MKLN1: variants seen among roughly 807,000 people sequenced by gnomAD.
MKLN1 encodes muskelin.
In MKLN1, 18 loss-of-function variants were observed where a neutral mutation model predicts 99.0. The observed-to-expected ratio is 0.18, with a 90% CI of 0.13 to 0.27. The LOEUF is 0.27. Ranked by LOEUF, MKLN1 falls within the 10% of genes least tolerant of loss-of-function variation. The probability of loss-of-function intolerance (pLI) is 1.00; values close to 1 mark genes in which losing one functional copy is unlikely to be tolerated. For missense variants in MKLN1, 621 were observed against 875.9 expected (o/e 0.71, Z 3.67); for synonymous variants, 288 against 293.2 (o/e 0.98, Z 0.18).
At chr7:131,404,055 C>G (rs1794630105) in intron 6 of MKLN1, among the ~76,000 whole-genome samples, 1 of 152,122 alleles carries the variant, frequency 6.6e-6, no homozygotes, top group African/African-American at 2.4e-5. Flanking sequence ...TTTACAAACC[C>G]TACTTGATAA....
rs188611142 is a variant in MKLN1 at position 131,127,394 on chromosome 7, G to A, written c.-418-15426G>A. On this transcript the variant is annotated intron_variant, in intron 1 of 7. Coordinates refer to the MKLN1 transcript ENST00000416992. ...CACACAGAGGAGAGTGGGCGAGTAC[G>A]ACTGAAGAACAGGAGTGCAGCAAAT... 1.6e-3 allele frequency among the ~76,000 whole-genome samples: 249 copies of A among 152,214 alleles called. 5 individuals carry two copies. Among genetic ancestry groups the A allele is most frequent in the Non-Finnish European group, 1.8e-3 (121 of 68,020 alleles).
At chr7:131,227,439 TTC>T (rs975991590) in intron 3 of MKLN1, among the ~76,000 whole-genome samples, 3 of 151,576 alleles carry the variant, frequency 2.0e-5, no homozygotes, top group Non-Finnish European at 4.4e-5. Flanking sequence ...CTTTCTCTCT[TTC>T]TCTCTTTTCT....
intron 1 of MKLN1, among the ~76,000 whole-genome samples, chr7:131,333,753 G>A (rs1051756899): frequency 1.3e-5 from 2 of 152,070 alleles, no homozygotes; most frequent in African/African-American, 4.8e-5. Flanking sequence ...GGTCAGGCTG[G>A]TCCCGAACTC....
chr7:131,455,028 G>A (rs1796292862), intron 12 of MKLN1, among the ~76,000 whole-genome samples: 1 of 152,202 alleles, frequency 6.6e-6, no homozygotes, highest in Admixed American at 6.5e-5. Flanking sequence ...ACTTGGAGCT[G>A]AAAATATCCT....
intron 1 of MKLN1, among the ~76,000 whole-genome samples, chr7:131,342,792 A>G (rs774911866): frequency 2.0e-5 from 3 of 152,240 alleles, no homozygotes; most frequent in African/African-American, 7.2e-5. Context: ...TCTATTTTCT[A>G]CAACCTAAAA....
At chr7:131,271,909 CA>C (rs35730081) in intron 3 of MKLN1, among the ~76,000 whole-genome samples, 72,582 of 143,250 alleles carry the variant, frequency 0.51, 19,908 homozygotes, top group East Asian at 0.73. Flanking sequence ...AACTCTGTCT[CA>C]AAAAAAAAAA....
chr7:131,315,301 G>A (rs183705030), intron 3 of MKLN1, among the ~76,000 whole-genome samples: 6 of 152,218 alleles, frequency 3.9e-5, no homozygotes, highest in African/African-American at 1.2e-4. Context: ...GCTTCACCAC[G>A]GAAGTGCAAG....
chr7:131,496,570 G>A lies in MKLN1; in HGVS notation c.*8842G>A, dbSNP rs1797567701. 6.6e-6 allele frequency: 1 copy of A among 152,016 alleles called. No homozygotes were observed. The highest frequency in any genetic ancestry group is 1.5e-5 in the Non-Finnish European group (1 of 68,032). The allele number at this position is 152,016 out of a possible 1,614,324, so 9.4% of individuals were successfully genotyped here. A position where few individuals can be genotyped will look rare whatever the true frequency, so the allele number is the denominator to read the frequency against. ...ATTGTAGAATTATGTTGTATGTAAT[G>A]TACATATGGAGAAAGAATGTATTTT... On this transcript the variant is annotated 3_prime_UTR_variant, in exon 18 of 18. Coordinates refer to ENST00000352689, the MANE Select transcript of MKLN1 (RefSeq NM_013255.5).
intron 3 of MKLN1, among the ~76,000 whole-genome samples, chr7:131,291,364 C>T (rs997030760): frequency 6.6e-6 from 1 of 151,350 alleles, no homozygotes; most frequent in Non-Finnish European, 1.5e-5. Flanking sequence ...CTCCTGACCT[C>T]AGGTGATCCA....
intron 3 of MKLN1, among the ~76,000 whole-genome samples, chr7:131,231,946 AT>A (rs1797250039): frequency 6.6e-6 from 1 of 152,204 alleles, no homozygotes; most frequent in Admixed American, 6.5e-5. Flanking sequence ...TTATTACAAT[AT>A]TTTCTCCTTT....
At chr7:131,320,247 C>G (rs1322424166) in intron 3 of MKLN1, among the ~76,000 whole-genome samples, 3 of 152,126 alleles carry the variant, frequency 2.0e-5, no homozygotes, top group East Asian at 1.9e-4. Flanking sequence ...ACCAATGGAA[C>G]AGAACAGAGA....
intron 3 of MKLN1, among the ~76,000 whole-genome samples, chr7:131,273,499 G>C (rs544839621): frequency 6.6e-6 from 1 of 152,272 alleles, no homozygotes; most frequent in South Asian, 2.1e-4. Context: ...AGGTCCCTTG[G>C]CATTTGGGGA....
intron 3 of MKLN1, among the ~76,000 whole-genome samples, chr7:131,277,531 G>A (rs1421285964): frequency 6.6e-6 from 1 of 152,002 alleles, no homozygotes; most frequent in East Asian, 1.9e-4. Flanking sequence ...TGATCCACCT[G>A]CCTCGGCCTC....
At chr7:131,438,073 G>T (rs1302737611) in intron 10 of MKLN1, 76 bp downstream of exon 10, 2 of 1,115,496 alleles carry the variant, frequency 1.8e-6, no homozygotes, top group East Asian at 4.7e-5. Context: ...TATGTTAGAT[G>T]TTATGCTGAG....
At chr7:131,224,164 G>A (rs1482186729) in intron 3 of MKLN1, among the ~76,000 whole-genome samples, 2 of 152,268 alleles carry the variant, frequency 1.3e-5, no homozygotes, top group African/African-American at 4.8e-5. Context: ...ACTTTGGGAA[G>A]CTATTGGGGA....
In MKLN1 at chr7:131,387,107, TTTC is replaced by T; in HGVS notation, c.169-10_169-8del. 2 of 1,580,782 alleles carry T rather than the reference TTTC, an allele frequency of 1.3e-6. No individual in the cohort carries two copies. Among genetic ancestry groups the T allele is most frequent in the Non-Finnish European group, 1.7e-6 (2 of 1,169,570 alleles). Reference sequence around the variant, plus strand: ...AACAGAAGAGGATATAATTTGGTCGTTTCTTTTTTTAGTACTTGATTCTAAAGC... The same window carrying T: ...AACAGAAGAGGATATAATTTGGTCGTTTTTTTTAGTACTTGATTCTAAAGC... On this transcript the variant is annotated splice_polypyrimidine_tract_variant and intron_variant, in intron 2 of 17. Transcript: ENST00000352689.
intron 15 of MKLN1, 31 bp downstream of exon 15, chr7:131,466,446 TTAAC>T (rs1443737271): frequency 6.8e-7 from 1 of 1,480,942 alleles, no homozygotes. Context: ...AAACATTTAA[TTAAC>T]ATTATCAGCT....
intron 1 of MKLN1, among the ~76,000 whole-genome samples, chr7:131,127,494 C>T (rs1378792095): frequency 2.0e-5 from 3 of 152,148 alleles, no homozygotes; most frequent in Non-Finnish European, 2.9e-5. Flanking sequence ...TGCCGGCCCA[C>T]AGAAGCCACG....
At chr7:131,449,730 C>G (rs1221734365) in intron 12 of MKLN1, among the ~76,000 whole-genome samples, 1 of 151,822 alleles carries the variant, frequency 6.6e-6, no homozygotes, top group Non-Finnish European at 1.5e-5. Context: ...GTCCCTTTTA[C>G]TCCTCCCCCA....
Sources: gnomAD v4.1 joint callset for allele counts (sites outside exome capture counted in the v4.1 genomes callset) on GRCh38, gnomAD v4.1.1 for gene constraint, MANE v1.5 for transcripts, NCBI Gene and HGNC (gene_info 2026-07-23, HGNC 2026-07-21) for gene names.